Variants in CACNA1S observed in about 807,000 individuals in gnomAD.
CACNA1S encodes the protein voltage-dependent L-type calcium channel subunit alpha-1S.
In CACNA1S, 126 loss-of-function variants were observed where a neutral mutation model predicts 207.4. The observed-to-expected ratio is 0.61, with a 90% CI of 0.53 to 0.70. The LOEUF is 0.70. CACNA1S is among the 30% of genes least tolerant of loss of function. The pLI is 0.00. For synonymous variants in CACNA1S, 960 were observed against 932.7 expected (o/e 1.03, Z -0.53); for missense variants, 2,349 against 2,422.8 (o/e 0.97, Z 0.64).
intron 16 of CACNA1S, 62 bp downstream of exon 16, chr1:201,072,693 G>T: frequency 1.6e-6 from 2 of 1,271,440 alleles, no homozygotes; most frequent in Non-Finnish European, 2.3e-6. Context: ...GGAGAATTCA[G>T]GACCGGCACA....
chr1:201,104,032 A>G (rs1402793388), intron 2 of CACNA1S, among the ~76,000 whole-genome samples: 1 of 152,198 alleles, frequency 6.6e-6, no homozygotes, highest in Non-Finnish European at 1.5e-5. Context: ...AGCAGGCACC[A>G]TCTACTTAAG....
intron 17 of CACNA1S, 56 bp from the exon 18 acceptor site, chr1:201,069,657 C>T: frequency 6.5e-7 from 1 of 1,544,130 alleles, no homozygotes. Flanking sequence ...AGGCTCAGGC[C>T]TCATCAGCCT....
At chr1:201,069,881 T>A (rs1661390610) in intron 17 of CACNA1S, among the ~76,000 whole-genome samples, 1 of 152,098 alleles carries the variant, frequency 6.6e-6, no homozygotes, top group African/African-American at 2.4e-5. Flanking sequence ...TCCCATCAAA[T>A]GAAAATGGGA....
chr1:201,061,318 G>C lies in CACNA1S; in HGVS notation c.3204C>G (p.Phe1068Leu), dbSNP rs1005780872. The change falls in exon 25 of 44, where the codon TTC (phenylalanine) becomes TTG (leucine). Residue 1068 changes from phenylalanine to leucine, a missense_variant. Physicochemically the swap from Phe to Leu is conservative, Grantham distance 22. Coordinates refer to ENST00000362061, the MANE Select transcript of CACNA1S (RefSeq NM_000069.3). ...NIFVGFVIVTFQEQGETEYKN... is the reference protein window; with the variant it reads ...NIFVGFVIVTLQEQGETEYKN... ...TGTACTCAGTCTCTCCCTGCTCCTG[G>C]AAGGTGACAATGACGAAGCCCACAA... 1 of 1,614,212 alleles carries C rather than the reference G, an allele frequency of 6.2e-7. No homozygotes were observed. The highest frequency in any genetic ancestry group is 8.5e-7 in the Non-Finnish European group (1 of 1,180,038).
chr1:201,107,789 G>C (rs4915484), intron 2 of CACNA1S, among the ~76,000 whole-genome samples: 73,917 of 152,038 alleles, frequency 0.49, 18,523 homozygotes, highest in East Asian at 0.82. Context: ...GAGCTCGAAG[G>C]TGGCTGAGCG....
At chr1:201,108,687 A>G (rs1030994311) in intron 2 of CACNA1S, among the ~76,000 whole-genome samples, 2 of 152,116 alleles carry the variant, frequency 1.3e-5, no homozygotes, top group African/African-American at 4.8e-5. Context: ...GCAAGCACAC[A>G]TTTAGAATCC....
At position 201,076,178 on chromosome 1, in the gene CACNA1S, C is replaced by T. The variant is rs543175589; in HGVS notation, c.1828-563G>A. ...ATTTCCCTGTTCTCTTCCTAACCCCCGGGCTTCACTGTGCTTCACCCACCC... is the reference window on the plus strand; with the variant it reads ...ATTTCCCTGTTCTCTTCCTAACCCCTGGGCTTCACTGTGCTTCACCCACCC... On this transcript the variant is annotated intron_variant, in intron 12 of 43. Coordinates refer to ENST00000362061, the MANE Select transcript of CACNA1S (RefSeq NM_000069.3). Among the ~76,000 whole-genome samples, 6 of 152,362 alleles carry T rather than the reference C, an allele frequency of 3.9e-5. No homozygotes were observed. In the East Asian group the frequency reaches 5.8e-4, roughly 15 times the overall value.
rs1416185527 is a variant in CACNA1S at position 201,053,579 on chromosome 1, A to G, written c.3675T>C (p.Asp1225=). The G allele has an allele frequency of 2.5e-6, 4 of 1,610,524 alleles. No homozygotes were observed. The highest frequency in any genetic ancestry group is 1.7e-6 in the Non-Finnish European group (2 of 1,178,240). ...LGGGCGNVDP[D]ESARISSAFF... Reference sequence around the variant, plus strand: ...AGGCGCTGGAGATGCGGGCACTCTCATCTGGGTCCTGCGGGGCAGCAGCCC... The same window carrying G: ...AGGCGCTGGAGATGCGGGCACTCTCGTCTGGGTCCTGCGGGGCAGCAGCCC... The change falls in exon 30 of 44, where the codon GAT becomes GAC. Residue 1225 remains aspartate (D), a synonymous_variant. Transcript: ENST00000362061. This position sits in a 1 kb window ranked among gnomAD's most constrained non-coding sequence, Gnocchi z 5.1.
rs1384670569 is a variant in CACNA1S at position 201,052,607 on chromosome 1, G to A, written c.3903C>T (p.Asn1301=). 6.2e-7 allele frequency: 1 copy of A among 1,613,848 alleles called. No individual in the cohort carries two copies. The highest frequency in any genetic ancestry group is 1.3e-5 in the African/African-American group (1 of 74,858). The change falls in exon 32 of 44, where the codon AAC becomes AAT. Residue 1301 remains asparagine (N), a synonymous_variant. Coordinates refer to ENST00000362061, the MANE Select transcript of CACNA1S (RefSeq NM_000069.3). The part of the protein sequence containing the change: ...KIALVDGTQI[N]RNNNFQTFPQ... ...GGAAGGTCTGGAAGTTGTTGTTCCG[G>A]TTTATTTGGGTCCCATCCACCAAGG...
Position 201,077,946 on chromosome 1 carries a change from C to T in CACNA1S, c.1552G>A (p.Ala518Thr), listed in dbSNP as rs776209588. Residue 518 changes from alanine (A) to threonine (T), a missense_variant, in exon 11 of 44, where the codon GCC becomes ACC. Coordinates refer to ENST00000362061, the MANE Select transcript of CACNA1S (RefSeq NM_000069.3). ...ACGGAGATGCCCAGGGGTGTCATGG[C>T]ACCCGACTCCACCAGCAGGATCTCC... is the stretch of plus-strand genomic sequence containing the variant. ...ILEILLVESG[A>T]MTPLGISVLR... 1.9e-5 allele frequency: 31 copies of T among 1,614,036 alleles called. No homozygotes were observed. Among genetic ancestry groups the T allele is most frequent in the African/African-American group, 2.7e-5 (2 of 74,932 alleles).
chr1:201,066,175 C>G lies in CACNA1S; in HGVS notation c.2745+54G>C. 6.6e-7 allele frequency: 1 copy of G among 1,520,298 alleles called. No homozygotes were observed. Among genetic ancestry groups the G allele is most frequent in the East Asian group, 2.2e-5 (1 of 44,450 alleles). The allele number at this position is 1,520,298 out of a possible 1,614,324, so 94.2% of individuals were successfully genotyped here. A position where few individuals can be genotyped will look rare whatever the true frequency, so the allele number is the denominator to read the frequency against. On this transcript the variant is annotated intron_variant, in intron 21 of 43. Transcript: ENST00000362061. The surrounding 1 kb of genome is among the most constrained non-coding windows in gnomAD (Gnocchi z 4.3). ...GGCTGAGGTTTCTGGAGCGAGGAGG[C>G]CCCTGTAACCCCTCCCATTCCTCTC...
At chr1:201,094,111 G>A in intron 2 of CACNA1S, 90 bp from the exon 3 acceptor site, 1 of 1,539,798 alleles carries the variant, frequency 6.5e-7, no homozygotes, top group Non-Finnish European at 9.0e-7. Context: ...GTTCCCTGCT[G>A]TTGCTCAGGC....
At chr1:201,070,559 G>A (rs183461982) in intron 16 of CACNA1S, among the ~76,000 whole-genome samples, 155 bp from the exon 17 acceptor site, 136 of 152,310 alleles carry the variant, frequency 8.9e-4, no homozygotes, top group Non-Finnish European at 1.7e-3. Flanking sequence ...AGTCCAGCCC[G>A]GGCATCTCCT....
At chr1:201,086,447 C>G (rs1301968883) in intron 7 of CACNA1S, among the ~76,000 whole-genome samples, 1 of 152,216 alleles carries the variant, frequency 6.6e-6, no homozygotes, top group African/African-American at 2.4e-5. Flanking sequence ...CAAGAGCGTA[C>G]TTGCACAAAC....
At chr1:201,093,638 G>A (rs1572063805) in intron 3 of CACNA1S, among the ~76,000 whole-genome samples, 1 of 152,194 alleles carries the variant, frequency 6.6e-6, no homozygotes, top group Non-Finnish European at 1.5e-5. Context: ...GGAGGATAAT[G>A]GAATTTATAG....
rs112491636 is a variant in CACNA1S, at chr1:201,058,521, G to C, written c.3526-30C>G. 39 of 1,558,142 alleles carry C rather than the reference G, an allele frequency of 2.5e-5. No homozygotes were observed. In the African/African-American group the frequency reaches 5.0e-4, roughly 20 times the overall value. On this transcript the variant is annotated intron_variant, in intron 27 of 43. Coordinates refer to ENST00000362061, the MANE Select transcript of CACNA1S (RefSeq NM_000069.3). ...GAAGGAAAAGGATGGGAAAGCGAGG[G>C]GGTGAGCTTTGGGAGGAAGGAGCTC...
chr1:201,062,545 AGGC>A, intron 22 of CACNA1S, 31 bp from the exon 23 acceptor site: 1 of 1,594,894 alleles, frequency 6.3e-7, no homozygotes, highest in Non-Finnish European at 8.6e-7. Flanking sequence ...GGAGGGAGGG[AGGC>A]ATGTTGTCAT....
In CACNA1S at chr1:201,112,192, A is replaced by G. The variant is rs574267605; in HGVS notation, c.148T>C (p.Trp50Arg). The change falls in exon 1 of 44, where the codon TGG (tryptophan) becomes CGG (arginine). Residue 50 changes from tryptophan to arginine, a missense_variant. By Grantham distance (101) the Trp-to-Arg change is moderately radical (BLOSUM62 -3). Transcript: ENST00000362061. ...LRKACISIVE[W>R]KPFETIILLT... Reference sequence around the variant, plus strand: ...GGCCCGGGCCCTGAAGGATACTTCCATTCTACAATGCTGATGCAGGCCTTC... The same window carrying G: ...GGCCCGGGCCCTGAAGGATACTTCCGTTCTACAATGCTGATGCAGGCCTTC... 4.3e-6 allele frequency: 7 copies of G among 1,612,116 alleles called. No individual in the cohort carries two copies. The South Asian group carries it at 7.7e-5, about 18-fold the overall frequency.
chr1:201,108,382 C>T (rs59735280), intron 2 of CACNA1S, among the ~76,000 whole-genome samples: 6,241 of 152,190 alleles, frequency 0.041, 161 homozygotes, highest in East Asian at 0.15. Context: ...GGATTACAGG[C>T]ATGAGTCACT....
Sources: gnomAD v4.1 joint callset for allele counts (sites outside exome capture counted in the v4.1 genomes callset) on GRCh38, gnomAD v4.1.1 for gene constraint, Gnocchi (gnomAD v3.1) non-coding constraint, MANE v1.5 for transcripts, NCBI Gene and HGNC (gene_info 2026-07-23, HGNC 2026-07-21) for gene names.